The following RUNX3 variants were observed in gnomAD, a reference collection of about 807,000 sequenced individuals.
RUNX3 encodes the protein runt-related transcription factor 3.
In RUNX3, 10 loss-of-function variants were observed where a neutral mutation model predicts 27.7. The observed-to-expected ratio is 0.36, with a 90% CI of 0.22 to 0.61. The LOEUF (loss-of-function observed/expected upper bound fraction) is 0.61. RUNX3 is among the 20% of genes least tolerant of loss of function. The pLI is 0.72. For synonymous variants in RUNX3, 270 were observed against 269.2 expected (o/e 1.00, Z -0.03); for missense variants, 469 against 629.5 (o/e 0.75, Z 2.73).
rs147184956 is a variant in RUNX3 at position 24,900,277 on chromosome 1, C to T, written c.*1845G>A. 288 of 152,454 alleles carry T rather than the reference C, an allele frequency of 1.9e-3. No individual in the cohort carries two copies. Among genetic ancestry groups the T allele is most frequent in the African/African-American group, 6.6e-3 (276 of 41,558 alleles). 9.4% of individuals were successfully genotyped at this position (152,454 alleles called of 1,614,324 possible). ...AGCAGGAGGGAATGGAATAGGATCA[C>T]CAGAAGGACTGCCTAACCTGCCAGT... is the stretch of plus-strand genomic sequence containing the variant. On this transcript the variant is annotated 3_prime_UTR_variant, in exon 5 of 5. Transcript: ENST00000308873.
rs1227211169 is a variant in RUNX3 at position 24,901,883 on chromosome 1, C to G, written c.*239G>C. 2.0e-6 allele frequency: 1 copy of G among 503,442 alleles called. No individual in the cohort carries two copies. Among genetic ancestry groups the G allele is most frequent in the Admixed American group, 3.5e-5 (1 of 28,872 alleles). 31.2% of individuals were successfully genotyped at this position (503,442 alleles called of 1,614,324 possible). A position where few individuals can be genotyped will look rare whatever the true frequency, so the allele number is the denominator to read the frequency against. The stretch of plus-strand genomic sequence containing the variant: ...CCCACAGAAGTATGGGATGAGACGG[C>G]CAGGATCTGGGCCGGGGGCAGTATC... On this transcript the variant is annotated 3_prime_UTR_variant, in exon 5 of 5. Transcript: ENST00000308873.
chr1:24,917,276 A>G (rs2236852), intron 3 of RUNX3, among the ~76,000 whole-genome samples: 69,173 of 151,922 alleles, frequency 0.46, 16,050 homozygotes, highest in South Asian at 0.58. Flanking sequence ...CCCTGGAGAC[A>G]TAGGGCAGGG....
chr1:24,944,203 G>A (rs572158858), intron 2 of RUNX3, among the ~76,000 whole-genome samples: 2 of 152,072 alleles, frequency 1.3e-5, no homozygotes, highest in Non-Finnish European at 2.9e-5. Context: ...GCTTGATGGG[G>A]TCTACATGAC....
Position 24,927,287 on chromosome 1 carries a change from G to A in RUNX3, c.439+287C>T, listed in dbSNP as rs972912520. On this transcript the variant is annotated intron_variant, in intron 2 of 4. Transcript: ENST00000308873. The surrounding 1 kb of genome is among the most constrained non-coding windows in gnomAD (Gnocchi z 5.0). ...ACCATCTCCTGCCAGCATTTTTTGT[G>A]AGACCAGGTGTGCTTAACCGGGAAA... is the stretch of plus-strand genomic sequence containing the variant. 7.9e-5 allele frequency among the ~76,000 whole-genome samples: 12 copies of A among 152,240 alleles called. 1 individual carries two copies. In the South Asian group the frequency reaches 2.5e-3, roughly 32 times the overall value.
In RUNX3 at chr1:24,928,474, C is replaced by CTTTG. The variant is rs748061401; in HGVS notation, c.283-745_283-744insCAAA. Among the ~76,000 whole-genome samples the CTTTG allele has an allele frequency of 4.1e-4, 62 of 152,308 alleles. No homozygotes were observed. In the Middle Eastern group the frequency reaches 0.02, roughly 50 times the overall value. On this transcript the variant is annotated intron_variant, in intron 1 of 4. Transcript: ENST00000308873. ...GGATGCCTTTTGAAAAAGAATCAGA[C>CTTTG]TTTAAACAGAGTCACAACTATTTAA...
chr1:24,919,226 T>C lies in RUNX3; in HGVS notation c.544+14A>G, dbSNP rs1183375729. 32 of 1,556,804 alleles carry C rather than the reference T, an allele frequency of 2.1e-5. No homozygotes were observed. The highest frequency in any genetic ancestry group is 2.5e-5 in the Non-Finnish European group (28 of 1,140,460). On this transcript the variant is annotated intron_variant, in intron 3 of 4. Transcript: ENST00000308873. ...TCCCCCGCGCAGGGGCTCAGGGGGC[T>C]CGGTGGCACTTACGTCTGGGCTCCC...
chr1:24,958,243 A>T (rs1270148126), intron 2 of RUNX3, among the ~76,000 whole-genome samples: 4 of 152,178 alleles, frequency 2.6e-5, no homozygotes, highest in African/African-American at 9.7e-5. Context: ...ACAGAGGAGG[A>T]AACTGAGACC....
At position 24,954,927 on chromosome 1, in the gene RUNX3, G is replaced by T. The variant is rs540009647; in HGVS notation, c.58+9587C>A. Among the ~76,000 whole-genome samples the T allele has an allele frequency of 7.2e-5, 11 of 152,270 alleles. 1 individual carries two copies. The South Asian group carries it at 2.3e-3, about 32-fold the overall frequency. ...TTTGCCCCACATCACGGCCCAGCTT[G>T]GTTCAGTCCTGGAGCCCTGTGTCCT... On this transcript the variant is annotated intron_variant, in intron 2 of 6. Transcript: ENST00000338888.
chr1:24,908,830 G>C (rs2124257041), intron 3 of RUNX3, among the ~76,000 whole-genome samples: 1 of 152,318 alleles, frequency 6.6e-6, no homozygotes, highest in South Asian at 2.1e-4. Context: ...GCCCCAGGAG[G>C]GGACTGCAGG....
chr1:24,929,711 C>A lies in RUNX3; in HGVS notation c.158G>T (p.Arg53Leu). ...GTCCGCCAGCACGTCCACCATCGAG[C>A]GCACCTCGGGCCGGGCGCGCCCTCC... Reference protein sequence around the residue: ...GPGGRARPEVRSMVDVLADHA... With the variant: ...GPGGRARPEVLSMVDVLADHA... Residue 53 changes from arginine (R) to leucine (L), a missense_variant, in exon 1 of 5, where the codon CGC becomes CTC. By Grantham distance (102) the Arg-to-Leu change is moderately radical (BLOSUM62 -2). Around this residue, in one of 3 missense-constraint regions of RUNX3, gnomAD observed 115 missense variants for 118.0 expected, o/e 0.97. Coordinates refer to ENST00000308873, the MANE Select transcript of RUNX3 (RefSeq NM_004350.3). 6.5e-7 allele frequency: 1 copy of A among 1,544,742 alleles called. No individual in the cohort carries two copies.
At chr1:24,953,633 GGGAC>G (rs1375364780) in intron 2 of RUNX3, among the ~76,000 whole-genome samples, 1 of 152,126 alleles carries the variant, frequency 6.6e-6, no homozygotes, top group East Asian at 1.9e-4. Flanking sequence ...AGAATCCTAC[GGGAC>G]GGTGCCGTTC....
intron 2 of RUNX3, among the ~76,000 whole-genome samples, chr1:24,956,724 G>A (rs2124378291): frequency 6.6e-6 from 1 of 152,352 alleles, no homozygotes; most frequent in Non-Finnish European, 1.5e-5. Flanking sequence ...TGGAGGCCAA[G>A]CCACAGGTGC....
chr1:24,907,149 G>A, intron 4 of RUNX3, 110 bp downstream of exon 4: 1 of 1,131,848 alleles, frequency 8.8e-7, no homozygotes. Context: ...CAAAACAAGG[G>A]GGTGCAGTGA....
chr1:24,954,512 A>G (rs1185744885), intron 2 of RUNX3, among the ~76,000 whole-genome samples: 1 of 152,204 alleles, frequency 6.6e-6, no homozygotes, highest in Non-Finnish European at 1.5e-5. Context: ...GAAGGGCCTC[A>G]TGCTTGGTTT....
chr1:24,940,768 C>A (rs1478614513), intron 2 of RUNX3, among the ~76,000 whole-genome samples: 1 of 151,466 alleles, frequency 6.6e-6, no homozygotes, highest in Non-Finnish European at 1.5e-5. Context: ...GTGGTCCCCA[C>A]CACTTGCCAC....
intron 2 of RUNX3, among the ~76,000 whole-genome samples, chr1:24,919,900 A>G (rs1166053479): frequency 1.3e-5 from 2 of 151,594 alleles, no homozygotes; most frequent in Non-Finnish European, 2.9e-5. Flanking sequence ...TTTTCATTTA[A>G]CCTCACATCA....
intron 2 of RUNX3, among the ~76,000 whole-genome samples, chr1:24,942,059 T>C (rs1358271718): frequency 6.6e-6 from 1 of 152,172 alleles, no homozygotes; most frequent in East Asian, 1.9e-4. Context: ...CCAGGGTGGC[T>C]GGATGATCTG....
At chr1:24,903,414 G>C (rs995679884) in intron 4 of RUNX3, among the ~76,000 whole-genome samples, 1 of 152,236 alleles carries the variant, frequency 6.6e-6, no homozygotes, top group Non-Finnish European at 1.5e-5. Flanking sequence ...TGGCAGCAAA[G>C]TGAGACAGCA....
At chr1:24,936,216 T>C (rs538663839) in intron 2 of RUNX3, among the ~76,000 whole-genome samples, 2 of 152,330 alleles carry the variant, frequency 1.3e-5, no homozygotes, top group South Asian at 4.1e-4. Flanking sequence ...GCTGTTGCTT[T>C]ACACACATTT....
Sources: allele counts gnomAD v4.1 joint callset (sites outside exome capture counted in the v4.1 genomes callset), GRCh38; gene constraint gnomAD v4.1.1; regional missense constraint gnomAD v4.1.1; non-coding constraint Gnocchi (gnomAD v3.1); transcripts MANE v1.5; gene names NCBI Gene and HGNC (gene_info 2026-07-23, HGNC 2026-07-21).